The following DISP1 variants were observed in gnomAD, a reference collection of about 807,000 sequenced individuals.
DISP1 encodes dispatched RND transporter family member 1.
Under a neutral mutation model 37.3 loss-of-function variants are expected in DISP1, and 30 were observed. That is an observed-to-expected ratio of 0.80 (90% CI 0.60 to 1.09). The LOEUF (loss-of-function observed/expected upper bound fraction) is 1.09. DISP1 is among the 50% of genes least tolerant of loss of function. DISP1 has a pLI of 0.00. For missense variants in DISP1, 1,598 were observed against 1,879.5 expected, an observed-to-expected ratio of 0.85 and a Z score of 2.77; for synonymous variants, 634 against 690.2, an observed-to-expected ratio of 0.92 and a Z score of 1.28.
intron 7 of DISP1, among the ~76,000 whole-genome samples, 161 bp downstream of exon 7, chr1:222,992,271 T>C (rs752040031): frequency 2.5e-4 from 38 of 152,224 alleles, no homozygotes; most frequent in Non-Finnish European, 4.0e-4. Flanking sequence ...TTTCTTTTAC[T>C]TCTCTAGTTT....
At chr1:222,940,394 AAG>A (rs1674294639) in intron 2 of DISP1, among the ~76,000 whole-genome samples, 1 of 152,008 alleles carries the variant, frequency 6.6e-6, no homozygotes, top group South Asian at 2.1e-4. Flanking sequence ...GAACAGCACA[AAG>A]AGGGAAATCT....
rs565500865 is a variant in DISP1, at chr1:222,820,050, CTAG to C, written c.-159+4976_-159+4978del. On this transcript the variant is annotated intron_variant, in intron 1 of 8. Transcript: ENST00000675850. ...GTAGTGATTTACCCAGTTACCATAGCTAGTAGAAGAACCAGAATTTGAGGCCAG... is the reference window on the plus strand; with the variant it reads ...GTAGTGATTTACCCAGTTACCATAGCTAGAAGAACCAGAATTTGAGGCCAG... 1.3e-3 allele frequency among the ~76,000 whole-genome samples: 202 copies of C among 152,234 alleles called. 1 individual carries two copies. Among genetic ancestry groups the C allele is most frequent in the African/African-American group, 4.7e-3 (194 of 41,506 alleles).
intron 3 of DISP1, among the ~76,000 whole-genome samples, chr1:222,959,533 T>A (rs1481917221): frequency 6.6e-6 from 1 of 151,562 alleles, no homozygotes; most frequent in African/African-American, 2.4e-5. Context: ...AAACCCCGTC[T>A]CTACTGAAAA....
intron 3 of DISP1, among the ~76,000 whole-genome samples, chr1:222,980,442 TAA>T (rs1357223698): frequency 1.3e-5 from 2 of 151,470 alleles, no homozygotes; most frequent in African/African-American, 4.9e-5. Flanking sequence ...TGTGTGTGTA[TAA>T]GAGAGAAACA....
intron 1 of DISP1, among the ~76,000 whole-genome samples, chr1:222,867,471 T>C (rs991922315): frequency 2.6e-5 from 4 of 152,204 alleles, no homozygotes; most frequent in Non-Finnish European, 5.9e-5. Context: ...ATATTGTTCA[T>C]GTGGTTAATT....
chr1:222,961,186 A>G (rs1432525502), intron 3 of DISP1, among the ~76,000 whole-genome samples: 5 of 152,244 alleles, frequency 3.3e-5, no homozygotes, highest in Non-Finnish European at 7.3e-5. Flanking sequence ...CTTCAAGCCA[A>G]TATCCCTGAT....
intron 1 of DISP1, chr1:222,836,992 T>C (rs551091764): frequency 7.5e-6 from 3 of 398,426 alleles, no homozygotes; most frequent in African/African-American, 6.2e-5. Context: ...TTTCTTCTTT[T>C]CAGAAATAAA....
At chr1:222,868,755 A>G (rs1669345821) in intron 1 of DISP1, among the ~76,000 whole-genome samples, 1 of 152,180 alleles carries the variant, frequency 6.6e-6, no homozygotes, top group Non-Finnish European at 1.5e-5. Flanking sequence ...CAATAATAAC[A>G]TATGTACAGA....
chr1:222,835,884 G>A (rs1045257450), intron 1 of DISP1, among the ~76,000 whole-genome samples: 6 of 151,660 alleles, frequency 4.0e-5, no homozygotes, highest in East Asian at 3.9e-4. Context: ...CCCAGAAGGC[G>A]GAGGAGGTAG....
intron 3 of DISP1, among the ~76,000 whole-genome samples, chr1:222,964,870 C>G (rs886191991): frequency 6.6e-6 from 1 of 152,174 alleles, no homozygotes; most frequent in Admixed American, 6.5e-5. Context: ...ATTTTGATGC[C>G]TTTGCTCCAG....
chr1:222,950,327 C>T (rs4846782), intron 3 of DISP1, among the ~76,000 whole-genome samples: 53,281 of 152,032 alleles, frequency 0.35, 10,327 homozygotes, highest in Middle Eastern at 0.5. Context: ...AAGGGCCAGG[C>T]GCAGTGGCTC....
chr1:222,914,002 G>GTT (rs34776955), intron 1 of DISP1, among the ~76,000 whole-genome samples: 3,873 of 128,710 alleles, frequency 0.03, 150 homozygotes, highest in African/African-American at 0.08. Context: ...TTTTTTGGTT[G>GTT]TTTTTTTTTT....
chr1:222,918,901 CA>C (rs1380454997), intron 1 of DISP1, among the ~76,000 whole-genome samples: 1 of 152,244 alleles, frequency 6.6e-6, no homozygotes. Context: ...GCTGCAGCCA[CA>C]AAAGCCTTTG....
At chr1:222,995,081 C>T in intron 8 of DISP1, 99 bp downstream of exon 8, 1 of 953,576 alleles carries the variant, frequency 1.0e-6, no homozygotes, top group Admixed American at 1.7e-5. Context: ...GATGAAAGTA[C>T]TTCAGAGGCT....
chr1:222,984,619 T>C (rs1175399887), intron 4 of DISP1, among the ~76,000 whole-genome samples: 1 of 151,780 alleles, frequency 6.6e-6, no homozygotes, highest in African/African-American at 2.4e-5. Context: ...TATAACATGT[T>C]TATATTTGTT....
intron 3 of DISP1, among the ~76,000 whole-genome samples, chr1:222,981,935 ATTG>A (rs1287158380): frequency 6.6e-6 from 1 of 152,216 alleles, no homozygotes; most frequent in African/African-American, 2.4e-5. Flanking sequence ...AGTTTCAAAA[ATTG>A]TTGAGAACCT....
At chr1:222,875,945 A>C (rs1351898028) in intron 1 of DISP1, among the ~76,000 whole-genome samples, 1 of 151,970 alleles carries the variant, frequency 6.6e-6, no homozygotes, top group Non-Finnish European at 1.5e-5. Flanking sequence ...ATTGTATTTT[A>C]AGATATGTAC....
chr1:222,881,896 A>G (rs975820850), intron 1 of DISP1, among the ~76,000 whole-genome samples: 1 of 152,218 alleles, frequency 6.6e-6, no homozygotes, highest in Non-Finnish European at 1.5e-5. Flanking sequence ...ATATTTATGT[A>G]TATGTCTGTG....
At chr1:222,895,324 GTACTCT>G (rs1262666459) in intron 1 of DISP1, among the ~76,000 whole-genome samples, 1 of 152,100 alleles carries the variant, frequency 6.6e-6, no homozygotes, top group African/African-American at 2.4e-5. Context: ...TTTTGCCACT[GTACTCT>G]TTCCAAGTAG....
Sources: gnomAD v4.1 joint callset for allele counts (sites outside exome capture counted in the v4.1 genomes callset) on GRCh38, gnomAD v4.1.1 for gene constraint, MANE v1.5 for transcripts, NCBI Gene and HGNC (gene_info 2026-07-23, HGNC 2026-07-21) for gene names.